Variants in ADGRA3 observed in about 807,000 individuals in gnomAD.
ADGRA3 encodes G-protein coupled receptor 125.
A neutral mutation model predicts 119.8 loss-of-function variants in ADGRA3; 56 were observed. The observed-to-expected ratio is 0.47, with a 90% CI of 0.38 to 0.58. The LOEUF (loss-of-function observed/expected upper bound fraction) is 0.58, where lower values mean the gene tolerates loss of function less well. Among genes scored for constraint, ADGRA3 ranks in the 20% least tolerant of loss-of-function variants. The pLI is 0.00. For missense variants in ADGRA3, 1,516 were observed against 1,649.0 expected (o/e 0.92, Z 1.40); for synonymous variants, 607 against 623.8 (o/e 0.97, Z 0.40).
intron 1 of ADGRA3, among the ~76,000 whole-genome samples, chr4:22,479,885 T>G (rs556669148): frequency 2.0e-5 from 3 of 151,924 alleles, no homozygotes; most frequent in African/African-American, 7.2e-5. Flanking sequence ...CCCAACAAAC[T>G]AACACAGGAA....
chr4:22,443,167 T>C (rs10029952), intron 6 of ADGRA3: 1 of 636,274 alleles, frequency 1.6e-6, no homozygotes, highest in Non-Finnish European at 2.8e-6. Flanking sequence ...CTCTAGAAAA[T>C]GGCATCAGTG....
intron 4 of ADGRA3, among the ~76,000 whole-genome samples, chr4:22,452,770 A>G (rs761607856): frequency 6.6e-6 from 1 of 152,202 alleles, no homozygotes; most frequent in Non-Finnish European, 1.5e-5. Context: ...AAATCAATCT[A>G]AAACTAAAAT....
chr4:22,407,743 A>C (rs1715000654), intron 14 of ADGRA3, among the ~76,000 whole-genome samples: 1 of 152,234 alleles, frequency 6.6e-6, no homozygotes, highest in South Asian at 2.1e-4. Context: ...TAAGGATTCA[A>C]ATCAATGGAA....
chr4:22,465,742 G>A (rs1301629108), intron 2 of ADGRA3, among the ~76,000 whole-genome samples: 1 of 152,198 alleles, frequency 6.6e-6, no homozygotes, highest in East Asian at 1.9e-4. Flanking sequence ...CAGGATTTAA[G>A]TGTATCTTTC....
chr4:22,427,448 G>A (rs1715986552), intron 10 of ADGRA3, among the ~76,000 whole-genome samples: 1 of 150,938 alleles, frequency 6.6e-6, no homozygotes, highest in Non-Finnish European at 1.5e-5. Flanking sequence ...AAATTAACTT[G>A]TGTTAATAAT....
intron 12 of ADGRA3, among the ~76,000 whole-genome samples, chr4:22,419,218 T>G (rs1443841986): frequency 1.3e-5 from 2 of 148,540 alleles, no homozygotes; most frequent in Non-Finnish European, 3.0e-5. Flanking sequence ...TTCTGGATGT[T>G]CAGGTTTTCT....
At chr4:22,429,326 C>A (rs1577343061) in intron 10 of ADGRA3, among the ~76,000 whole-genome samples, 1 of 152,208 alleles carries the variant, frequency 6.6e-6, no homozygotes, top group African/African-American at 2.4e-5. Flanking sequence ...TGAAAAAATG[C>A]TGAAAGGAAA....
At chr4:22,512,562 G>A (rs920304117) in intron 1 of ADGRA3, among the ~76,000 whole-genome samples, 1 of 152,074 alleles carries the variant, frequency 6.6e-6, no homozygotes, top group African/African-American at 2.4e-5. Flanking sequence ...ACCTAGGGTG[G>A]ACCCTAAATT....
At chr4:22,457,434 T>C (rs928132671) in intron 3 of ADGRA3, among the ~76,000 whole-genome samples, 2 of 152,218 alleles carry the variant, frequency 1.3e-5, no homozygotes, top group Non-Finnish European at 2.9e-5. Flanking sequence ...AATATCTTTA[T>C]ATCCCGTTGA....
intron 1 of ADGRA3, among the ~76,000 whole-genome samples, chr4:22,475,746 T>TA (rs1291270069): frequency 3.0e-4 from 42 of 140,862 alleles, no homozygotes; most frequent in African/African-American, 5.9e-4. Context: ...AATAAATAAA[T>TA]AAAAAAAAAA....
intron 5 of ADGRA3, among the ~76,000 whole-genome samples, chr4:22,446,985 T>G (rs1716854528): frequency 6.6e-6 from 1 of 152,004 alleles, no homozygotes. Context: ...GTAAGCATTC[T>G]AAATGAATAT....
intron 10 of ADGRA3, among the ~76,000 whole-genome samples, chr4:22,433,105 G>A (rs1716252976): frequency 6.6e-6 from 1 of 152,010 alleles, no homozygotes. Context: ...TGCATCACAC[G>A]CAATATTATC....
At position 22,421,004 on chromosome 4, in the gene ADGRA3, G is replaced by A. The variant is rs767710429; in HGVS notation, c.1691C>T (p.Ala564Val). 3 of 1,614,068 alleles carry A rather than the reference G, an allele frequency of 1.9e-6. No individual in the cohort carries two copies. The highest frequency in any genetic ancestry group is 2.5e-6 in the Non-Finnish European group (3 of 1,179,968). Residue 564 changes from alanine (A) to valine (V), a missense_variant, in exon 12 of 19, where the codon GCA becomes GTA. This residue lies in a region of ADGRA3 where 1,088 missense variants were observed against 1,107.1 expected (regional missense o/e 0.98). Transcript: ENST00000334304. ...GMTCTVFQKV[A>V]ASDRTGLSDY... ...CGAAAGTCCTGTACGATCAGAGGCT[G>A]CCACTTTCTGGAACACGGTACAGGT...
intron 9 of ADGRA3, among the ~76,000 whole-genome samples, chr4:22,435,919 A>G (rs942625762): frequency 6.6e-6 from 1 of 152,136 alleles, no homozygotes; most frequent in African/African-American, 2.4e-5. Flanking sequence ...GTGTTTATCT[A>G]CTGACTCTAA....
chr4:22,395,332 T>C (rs1714305607), intron 16 of ADGRA3, among the ~76,000 whole-genome samples: 1 of 152,120 alleles, frequency 6.6e-6, no homozygotes, highest in Non-Finnish European at 1.5e-5. Flanking sequence ...TGCATAACAA[T>C]TGTGCCAAAA....
chr4:22,459,422 C>A (rs1436192734), intron 3 of ADGRA3, among the ~76,000 whole-genome samples: 1 of 151,526 alleles, frequency 6.6e-6, no homozygotes, highest in Non-Finnish European at 1.5e-5. Flanking sequence ...CCCCATGGCA[C>A]AAGTTTACCT....
Position 22,442,728 on chromosome 4 carries a change from C to T in ADGRA3, c.842G>A (p.Gly281Glu), listed in dbSNP as rs1186805080. 6.2e-7 allele frequency: 1 copy of T among 1,613,332 alleles called. No homozygotes were observed. The highest frequency in any genetic ancestry group is 2.2e-5 in the East Asian group (1 of 44,862). The change falls in exon 7 of 19, where the codon GGG becomes GAG. Residue 281 changes from glycine to glutamate, a missense_variant. Coordinates refer to ENST00000334304, the MANE Select transcript of ADGRA3 (RefSeq NM_145290.4). ...QDMQVLWYQD[G>E]RIVETDESQG... ...CGATTCATCGGTTTCAACTATTCTC[C>T]CATCCTGATACCACAACACTTGCAT...
intron 1 of ADGRA3, among the ~76,000 whole-genome samples, chr4:22,498,098 G>A (rs1003671962): frequency 4.0e-5 from 6 of 151,530 alleles, no homozygotes; most frequent in Admixed American, 6.6e-5. Flanking sequence ...AAAATTAGCC[G>A]GGCGTGCTGG....
intron 10 of ADGRA3, among the ~76,000 whole-genome samples, chr4:22,427,829 G>C (rs1159644634): frequency 1.3e-5 from 2 of 152,158 alleles, no homozygotes; most frequent in African/African-American, 4.8e-5. Flanking sequence ...ATTCCCCGAA[G>C]GCCACTCCAG....
Sources: gnomAD v4.1 joint callset for allele counts (sites outside exome capture counted in the v4.1 genomes callset) on GRCh38, gnomAD v4.1.1 for gene constraint, gnomAD v4.1.1 regional missense constraint, MANE v1.5 for transcripts, NCBI Gene and HGNC (gene_info 2026-07-23, HGNC 2026-07-21) for gene names.